DPH6: variants seen among roughly 807,000 people sequenced by gnomAD.
DPH6 encodes diphthine--ammonia ligase.
Under a neutral mutation model 38.2 loss-of-function variants are expected in DPH6, and 33 were observed. The ratio of observed to expected loss-of-function variants is 0.86; its 90% confidence interval spans 0.65 to 1.15. DPH6 has a LOEUF of 1.15. DPH6 is among the 50% of genes most tolerant of loss of function. The pLI, the probability that DPH6 is intolerant of heterozygous loss-of-function variation, is 0.00. For synonymous variants in DPH6, 108 were observed against 103.0 expected (o/e 1.05, Z -0.30); for missense variants, 325 against 320.0 (o/e 1.02, Z -0.12).
At chr15:35,510,960 T>C (rs1400965211) in intron 3 of DPH6, among the ~76,000 whole-genome samples, 1 of 152,184 alleles carries the variant, frequency 6.6e-6, no homozygotes, top group African/African-American at 2.4e-5. Context: ...GAAACTGACT[T>C]TGAATCCCAA....
At chr15:35,484,390 A>C (rs1292685207) in intron 3 of DPH6, among the ~76,000 whole-genome samples, 1 of 152,214 alleles carries the variant, frequency 6.6e-6, no homozygotes, top group African/African-American at 2.4e-5. Context: ...CAAGACTCTC[A>C]TGAAGTTGCA....
intron 3 of DPH6, among the ~76,000 whole-genome samples, chr15:35,256,889 G>GT (rs1186526753): frequency 6.6e-6 from 1 of 152,182 alleles, no homozygotes; most frequent in Non-Finnish European, 1.5e-5. Flanking sequence ...GTTTGTAATG[G>GT]TTTTGACTTT....
At chr15:35,543,585 A>T (rs1402347704) in intron 1 of DPH6, among the ~76,000 whole-genome samples, 1 of 151,896 alleles carries the variant, frequency 6.6e-6, no homozygotes, top group Non-Finnish European at 1.5e-5. Flanking sequence ...TCCCCAGGCA[A>T]TGTTTAGACC....
At chr15:35,455,268 G>T (rs1026423633) in intron 3 of DPH6, among the ~76,000 whole-genome samples, 1 of 152,126 alleles carries the variant, frequency 6.6e-6, no homozygotes, top group African/African-American at 2.4e-5. Flanking sequence ...GAAAAAAAAT[G>T]ATTGAAATAG....
At chr15:35,305,176 C>T (rs975930390) in intron 3 of DPH6, among the ~76,000 whole-genome samples, 8 of 152,044 alleles carry the variant, frequency 5.3e-5, no homozygotes, top group African/African-American at 7.2e-5. Flanking sequence ...TCAGGTAGTA[C>T]GCTGTTGGTT....
At chr15:35,524,716 T>A (rs1289287313) in intron 3 of DPH6, among the ~76,000 whole-genome samples, 1 of 152,164 alleles carries the variant, frequency 6.6e-6, no homozygotes, top group Non-Finnish European at 1.5e-5. Context: ...ATAGCAGTTA[T>A]CTAGAAGATA....
At chr15:35,244,573 A>G (rs552059301) in intron 3 of DPH6, among the ~76,000 whole-genome samples, 7 of 152,364 alleles carry the variant, frequency 4.6e-5, no homozygotes, top group African/African-American at 1.4e-4. Flanking sequence ...GCAGGTGAAA[A>G]GATGAAAAGT....
intron 3 of DPH6, among the ~76,000 whole-genome samples, chr15:35,459,737 G>GA (rs1175963827): frequency 1.3e-5 from 2 of 152,068 alleles, no homozygotes; most frequent in African/African-American, 4.8e-5. Flanking sequence ...GAAGACGTTC[G>GA]AAAAGAGTGG....
At chr15:35,181,471 G>T in the DPH6 span, among the ~76,000 whole-genome samples, 2 of 124,002 alleles carry the variant, frequency 1.6e-5, no homozygotes, top group African/African-American at 2.8e-5. Context: ...AAAAAACTCT[G>T]CTTTTTAGTA....
intron 3 of DPH6, among the ~76,000 whole-genome samples, chr15:35,272,111 T>A (rs985478654): frequency 6.6e-6 from 1 of 151,994 alleles, no homozygotes; most frequent in Non-Finnish European, 1.5e-5. Flanking sequence ...AAAAATATTT[T>A]AAAAAATCAA....
rs576121537 is a variant in DPH6 at position 35,402,874 on chromosome 15, CCAA to C, written c.567+7958_567+7960del. Among the ~76,000 whole-genome samples the C allele has an allele frequency of 4.3e-4, 66 of 152,026 alleles. No individual in the cohort carries two copies. In the South Asian group the frequency reaches 0.014, roughly 32 times the overall value. On this transcript the variant is annotated intron_variant, in intron 6 of 8. Transcript: ENST00000256538. ...TAATGATTTAGAAAAACCAATCTTTCCAACAACAGATAACTTATAATATCTTAT... is the reference window on the plus strand; with the variant it reads ...TAATGATTTAGAAAAACCAATCTTTCCAACAGATAACTTATAATATCTTAT...
chr15:35,370,343 A>T (rs1225690558), downstream of DPH6, among the ~76,000 whole-genome samples: 1 of 150,588 alleles, frequency 6.6e-6, no homozygotes, highest in Non-Finnish European at 1.5e-5. Context: ...GATAAGCTGG[A>T]GTTCCTTAAA....
intron 3 of DPH6, among the ~76,000 whole-genome samples, chr15:35,485,630 T>A (rs1415330696): frequency 6.6e-6 from 1 of 152,182 alleles, no homozygotes; most frequent in Non-Finnish European, 1.5e-5. Flanking sequence ...GTTGGCAAGG[T>A]AAAACTTCCT....
chr15:35,386,124 T>G (rs1015143182), intron 6 of DPH6, among the ~76,000 whole-genome samples: 9 of 152,178 alleles, frequency 5.9e-5, no homozygotes, highest in Non-Finnish European at 1.3e-4. Flanking sequence ...TGTGATAGTT[T>G]GCTGAGAATG....
intron 7 of DPH6, 26 bp from the exon 8 acceptor site, chr15:35,373,634 A>G (rs2052742340): frequency 6.3e-7 from 1 of 1,575,806 alleles, no homozygotes; most frequent in African/African-American, 1.4e-5. Context: ...TTTACAATAC[A>G]TTTATATGCT....
chr15:35,418,755 A>G (rs910627264), intron 5 of DPH6, among the ~76,000 whole-genome samples: 8 of 152,060 alleles, frequency 5.3e-5, no homozygotes, highest in Non-Finnish European at 1.0e-4. Flanking sequence ...TCAACTTCTC[A>G]GCTGAATTAT....
the DPH6 span, among the ~76,000 whole-genome samples, chr15:35,181,979 T>A: frequency 6.8e-6 from 1 of 147,070 alleles, no homozygotes; most frequent in African/African-American, 2.5e-5. Flanking sequence ...ATTGTCTTTC[T>A]AAATAAAGAT....
At position 35,317,812 on chromosome 15, in the gene DPH6, A is replaced by C. The variant is rs142373150; in HGVS notation, n.200+55709T>G. ...TAAAGTTAAAATATTTTACAGACCT[A>C]GCATTGTCCAAGAAATGTAAATATC... On this transcript the variant is annotated intron_variant and non_coding_transcript_variant, in intron 3 of 3. Transcript: ENST00000560386. Among the ~76,000 whole-genome samples, 101 of 152,286 alleles carry C rather than the reference A, an allele frequency of 6.6e-4. 1 individual carries two copies. Among genetic ancestry groups the C allele is most frequent in the African/African-American group, 2.2e-3 (92 of 41,590 alleles).
chr15:35,425,222 T>C (rs559348249), intron 5 of DPH6, among the ~76,000 whole-genome samples: 1 of 151,672 alleles, frequency 6.6e-6, no homozygotes, highest in East Asian at 1.9e-4. Flanking sequence ...TCATGCCAAG[T>C]AAGAAATGGT....
Sources: allele counts gnomAD v4.1 joint callset (sites outside exome capture counted in the v4.1 genomes callset), GRCh38; gene constraint gnomAD v4.1.1; transcripts MANE v1.5; gene names NCBI Gene and HGNC (gene_info 2026-07-23, HGNC 2026-07-21).